The following DNMBP variants were observed in gnomAD, a reference collection of about 807,000 sequenced individuals.
DNMBP encodes the protein dynamin-binding protein.
In DNMBP, 87 loss-of-function variants were observed where a neutral mutation model predicts 150.0. That is an observed-to-expected ratio of 0.58 (90% CI 0.49 to 0.69). The LOEUF is 0.69. Ranked by LOEUF, DNMBP falls within the 30% of genes least tolerant of loss-of-function variation. The pLI is 0.00. For synonymous variants in DNMBP, 711 were observed against 750.4 expected (o/e 0.95, Z 0.86); for missense variants, 1,774 against 1,949.0 (o/e 0.91, Z 1.69).
chr10:99,954,744 C>CAAAA (rs751589220), intron 4 of DNMBP, among the ~76,000 whole-genome samples: 5 of 48,836 alleles, frequency 1.0e-4, no homozygotes, highest in African/African-American at 2.3e-4. Context: ...AACTCTGTCT[C>CAAAA]AAAAAAAAAA....
intron 1 of DNMBP, among the ~76,000 whole-genome samples, chr10:99,988,763 G>A (rs2040854783): frequency 6.6e-6 from 1 of 152,140 alleles, no homozygotes. Flanking sequence ...CTGGGTTCAA[G>A]TGACTCTCCT....
intron 1 of DNMBP, among the ~76,000 whole-genome samples, chr10:100,007,692 G>A (rs757960922): frequency 1.3e-5 from 2 of 152,214 alleles, no homozygotes; most frequent in African/African-American, 2.4e-5. Context: ...TCATAGCAGG[G>A]AGGATAAAGA....
rs565154841 is a variant in DNMBP, at chr10:99,900,640, A to T, written c.2555-574T>A. Among the ~76,000 whole-genome samples, 742 of 149,442 alleles carry T rather than the reference A, an allele frequency of 5.0e-3. 3 individuals are homozygous for T. Among genetic ancestry groups the T allele is most frequent in the Non-Finnish European group, 9.2e-3 (616 of 67,272 alleles). On this transcript the variant is annotated intron_variant, in intron 6 of 16. Transcript: ENST00000324109. The stretch of plus-strand genomic sequence containing the variant: ...ATAAGGAGGACCCCCTCAGTTTCTT[A>T]TTTTTTTTTCCTGAGACGGAGTCTC...
At chr10:99,892,208 C>T (rs61872211) in intron 11 of DNMBP, among the ~76,000 whole-genome samples, 17 of 136,430 alleles carry the variant, frequency 1.2e-4, no homozygotes, top group South Asian at 2.5e-4. Context: ...CCGCCCCGTC[C>T]GGGAGGTGAG....
chr10:99,989,417 A>G (rs1399564536), intron 1 of DNMBP, among the ~76,000 whole-genome samples: 1 of 152,186 alleles, frequency 6.6e-6, no homozygotes, highest in African/African-American at 2.4e-5. Context: ...AGACAAGAAA[A>G]AACAGACTTG....
intron 11 of DNMBP, among the ~76,000 whole-genome samples, chr10:99,892,095 C>T (rs1392492155): frequency 7.2e-6 from 1 of 138,546 alleles, no homozygotes; most frequent in Non-Finnish European, 1.5e-5. Context: ...AGGTGAGGGG[C>T]GCCTCTGCCC....
At chr10:99,986,310 G>A (rs988772894) in intron 1 of DNMBP, among the ~76,000 whole-genome samples, 3 of 152,090 alleles carry the variant, frequency 2.0e-5, no homozygotes, top group African/African-American at 7.2e-5. Context: ...AGGAGTTCAT[G>A]TCCAGCCTGG....
rs1003180280 is a variant in DNMBP at position 99,944,297 on chromosome 10, ATG to A, written c.2260+10915_2260+10916del. Among the ~76,000 whole-genome samples the A allele has an allele frequency of 5.3e-5, 8 of 152,092 alleles. 1 individual carries two copies. The highest frequency in any genetic ancestry group is 2.0e-4 in the Admixed American group (3 of 15,262). ...ACGTGTAGCTAGTGCCTGGCTCATC[ATG>A]TGTGCTCAAGAAATATACACTGAAT... On this transcript the variant is annotated intron_variant, in intron 4 of 16. Coordinates refer to ENST00000324109, the MANE Select transcript of DNMBP (RefSeq NM_015221.4).
chr10:99,945,956 T>C (rs888757301), intron 4 of DNMBP, among the ~76,000 whole-genome samples: 2 of 152,196 alleles, frequency 1.3e-5, no homozygotes, highest in East Asian at 3.8e-4. Flanking sequence ...CAGAAATGCT[T>C]TTTTTTCTTT....
chr10:99,898,333 G>A lies in DNMBP; in HGVS notation c.2721-48C>T, dbSNP rs754743926. On this transcript the variant is annotated intron_variant, in intron 8 of 16. Transcript: ENST00000324109. ...TTTAGTAAGCTATCAATAATATAGC[G>A]CCCAGCCTGGGAACATCGTGAGACC... The A allele has an allele frequency of 1.7e-5, 26 of 1,498,608 alleles. No individual in the cohort carries two copies. In the Middle Eastern group the frequency reaches 5.1e-4, roughly 29 times the overall value. The allele number at this position is 1,498,608 out of a possible 1,614,324, so 92.8% of individuals were successfully genotyped here. A position where few individuals can be genotyped will look rare whatever the true frequency, so the allele number is the denominator to read the frequency against.
chr10:99,945,384 G>A (rs772583911), intron 4 of DNMBP, among the ~76,000 whole-genome samples: 4 of 152,330 alleles, frequency 2.6e-5, no homozygotes, highest in Middle Eastern at 3.4e-3. Flanking sequence ...ACAAGAGTGG[G>A]TAGGAGGGCC....
At chr10:99,897,375 C>CT (rs1365754837) in intron 9 of DNMBP, among the ~76,000 whole-genome samples, 2 of 152,036 alleles carry the variant, frequency 1.3e-5, no homozygotes, top group African/African-American at 2.4e-5. Flanking sequence ...TTGGGGTTTT[C>CT]TAAAAGACAA....
Position 99,884,154 on chromosome 10 carries a change from G to T in DNMBP, c.3854C>A (p.Pro1285His), listed in dbSNP as rs752318460. 4 of 1,614,072 alleles carry T rather than the reference G, an allele frequency of 2.5e-6. No homozygotes were observed. Among genetic ancestry groups the T allele is most frequent in the Non-Finnish European group, 3.4e-6 (4 of 1,180,026 alleles). ...TTCTGCCTGGAAGAGTTTTTCAGGG[G>T]GATACCTGGCCAGGAGGGAGGCCCG... ...ELRASLLARY[P>H]PEKLFQAERN... Residue 1285 changes from proline to histidine, a missense_variant, in exon 15 of 17, where the codon CCC (proline) becomes CAC (histidine). Physicochemically the swap from Pro to His is moderately conservative, Grantham distance 77. Transcript: ENST00000324109.
At chr10:99,907,113 C>CCAGCCTGGGCA (rs1034647235) in intron 6 of DNMBP, among the ~76,000 whole-genome samples, 1 of 151,838 alleles carries the variant, frequency 6.6e-6, no homozygotes, top group Non-Finnish European at 1.5e-5. Flanking sequence ...GAGTTTGAAA[C>CCAGCCTGGGCA]CAGCCTGGGC....
In DNMBP at chr10:99,948,961, C is replaced by T. The variant is rs548388985; in HGVS notation, c.2260+6253G>A. On this transcript the variant is annotated intron_variant, in intron 4 of 16. Coordinates refer to ENST00000324109, the MANE Select transcript of DNMBP (RefSeq NM_015221.4). ...CTGGGCAACAAGAGTGAGACTCCAT[C>T]TCAAAAATAAATAAATAAATAAATA... Among the ~76,000 whole-genome samples the T allele has an allele frequency of 6.7e-4, 79 of 117,862 alleles. 1 individual carries two copies. The South Asian group carries it at 0.019, about 29-fold the overall frequency. The allele number at this position is 117,862 out of a possible 152,430, so 77.3% of individuals were successfully genotyped here. A position where few individuals can be genotyped will look rare whatever the true frequency, so the allele number is the denominator to read the frequency against.
intron 6 of DNMBP, among the ~76,000 whole-genome samples, chr10:99,907,411 CTT>C (rs1295946182): frequency 7.1e-6 from 1 of 141,504 alleles, no homozygotes; most frequent in Non-Finnish European, 1.6e-5. Flanking sequence ...TTTTTTTTTT[CTT>C]GAGACCAAGT....
intron 11 of DNMBP, among the ~76,000 whole-genome samples, chr10:99,894,585 C>T (rs941089481): frequency 1.7e-4 from 26 of 152,168 alleles, no homozygotes; most frequent in Non-Finnish European, 2.8e-4. Context: ...TGTTCTTTCT[C>T]GTTTACGTTT....
chr10:100,008,616 T>A (rs1225453347), intron 1 of DNMBP, among the ~76,000 whole-genome samples: 1 of 152,254 alleles, frequency 6.6e-6, no homozygotes, highest in South Asian at 2.1e-4. Flanking sequence ...AATCTTTTCT[T>A]CTTAAAACAT....
intron 3 of DNMBP, among the ~76,000 whole-genome samples, chr10:99,966,914 C>T (rs1424729320): frequency 6.6e-6 from 1 of 151,832 alleles, no homozygotes; most frequent in African/African-American, 2.4e-5. Flanking sequence ...TAGCTGGGAC[C>T]ACAGGCATAT....
Sources: allele counts gnomAD v4.1 joint callset (sites outside exome capture counted in the v4.1 genomes callset), GRCh38; gene constraint gnomAD v4.1.1; transcripts MANE v1.5; gene names NCBI Gene and HGNC (gene_info 2026-07-23, HGNC 2026-07-21).